ATP13A4: variants seen among roughly 807,000 people sequenced by gnomAD.
The protein encoded by ATP13A4 is probable cation-transporting ATPase 13A4.
ATP13A4 carries 114 observed loss-of-function variants against 142.5 expected under a neutral mutation model. The ratio of observed to expected loss-of-function variants is 0.80; its 90% CI spans 0.69 to 0.93. ATP13A4 has a LOEUF of 0.93. Ranked by LOEUF, ATP13A4 falls within the 40% of genes least tolerant of loss-of-function variation. The probability of loss-of-function intolerance (pLI) is 0.00; values close to 1 mark genes in which losing one functional copy is unlikely to be tolerated. For missense variants in ATP13A4, 1,392 were observed against 1,454.0 expected, an observed-to-expected ratio of 0.96 and a Z score of 0.69; for synonymous variants, 488 against 514.8, an observed-to-expected ratio of 0.95 and a Z score of 0.70.
chr3:193,444,922 C>A lies in ATP13A4; in HGVS notation c.2153-2366G>T, dbSNP rs140306239. Among the ~76,000 whole-genome samples, 830 of 152,310 alleles carry A rather than the reference C, an allele frequency of 5.4e-3. 11 individuals are homozygous for A. The highest frequency in any genetic ancestry group is 0.019 in the African/African-American group (791 of 41,560). Reference sequence around the variant, plus strand: ...GGCTTCCTCCATGCTCCACAGCAGGCCCCTGACAGCCTGTCTGCTTTTTGC... The same window carrying A: ...GGCTTCCTCCATGCTCCACAGCAGGACCCTGACAGCCTGTCTGCTTTTTGC... On this transcript the variant is annotated intron_variant, in intron 18 of 29. Coordinates refer to ENST00000342695, the MANE Select transcript of ATP13A4 (RefSeq NM_032279.4).
intron 1 of ATP13A4, among the ~76,000 whole-genome samples, chr3:193,592,340 G>A (rs1053722395): frequency 6.6e-6 from 1 of 151,976 alleles, no homozygotes; most frequent in African/African-American, 2.4e-5. Context: ...GAGGAGAGGA[G>A]CTCAAGATGG....
intron 1 of ATP13A4, among the ~76,000 whole-genome samples, chr3:193,547,903 C>T (rs553008874): frequency 1.3e-5 from 2 of 152,322 alleles, no homozygotes; most frequent in African/African-American, 2.4e-5. Context: ...AGCACGGCCA[C>T]TCGATTGTGA....
chr3:193,508,067 A>G (rs1394332302), intron 2 of ATP13A4, among the ~76,000 whole-genome samples: 1 of 152,150 alleles, frequency 6.6e-6, no homozygotes, highest in Non-Finnish European at 1.5e-5. Flanking sequence ...AGATGAAGAG[A>G]CACCAGGTGT....
At chr3:193,461,591 AT>A (rs1262827488) in intron 13 of ATP13A4, among the ~76,000 whole-genome samples, 1 of 152,242 alleles carries the variant, frequency 6.6e-6, no homozygotes, top group African/African-American at 2.4e-5. Context: ...TCTAGATAGC[AT>A]TTTAATATGA....
intron 2 of ATP13A4, among the ~76,000 whole-genome samples, chr3:193,511,499 G>A (rs143897444): frequency 6.6e-6 from 1 of 152,206 alleles, no homozygotes; most frequent in South Asian, 2.1e-4. Flanking sequence ...ACGTCATCCA[G>A]ATAAGCAAGA....
chr3:193,561,951 G>C (rs546797988), intron 2 of ATP13A4, among the ~76,000 whole-genome samples: 1 of 152,116 alleles, frequency 6.6e-6, no homozygotes, highest in Non-Finnish European at 1.5e-5. Context: ...TTCTCCCTCC[G>C]CGGGAAATGG....
At chr3:193,555,967 A>G (rs1723870919), upstream of ATP13A4, among the ~76,000 whole-genome samples, 1 of 152,226 alleles carries the variant, frequency 6.6e-6, no homozygotes, top group Non-Finnish European at 1.5e-5. Context: ...AGTACATTGT[A>G]CAGCACTGAT....
At chr3:193,421,082 A>G (rs948489487) in intron 25 of ATP13A4, among the ~76,000 whole-genome samples, 1 of 149,928 alleles carries the variant, frequency 6.7e-6, no homozygotes, top group Non-Finnish European at 1.5e-5. Context: ...TCCCCAAAAG[A>G]ATTCAACCCA....
intron 1 of ATP13A4, among the ~76,000 whole-genome samples, chr3:193,545,664 G>T (rs1026796167): frequency 2.6e-5 from 4 of 152,060 alleles, no homozygotes; most frequent in Admixed American, 2.0e-4. Context: ...GGATCCATCG[G>T]CAAATGACTA....
At chr3:193,484,384 C>A (rs1308850322) in intron 7 of ATP13A4, among the ~76,000 whole-genome samples, 1 of 151,878 alleles carries the variant, frequency 6.6e-6, no homozygotes, top group Non-Finnish European at 1.5e-5. Context: ...GCTACTTCCT[C>A]ATAATATTTG....
chr3:193,503,425 T>G (rs961345219), intron 2 of ATP13A4, among the ~76,000 whole-genome samples: 2 of 152,236 alleles, frequency 1.3e-5, no homozygotes, highest in African/African-American at 4.8e-5. Flanking sequence ...TAGAGACCTA[T>G]TTGACAGTGG....
chr3:193,504,649 TA>T (rs903558029), intron 2 of ATP13A4, among the ~76,000 whole-genome samples: 1 of 152,146 alleles, frequency 6.6e-6, no homozygotes, highest in African/African-American at 2.4e-5. Context: ...TACATTTTGC[TA>T]AAAAATATAA....
intron 18 of ATP13A4, among the ~76,000 whole-genome samples, chr3:193,445,302 G>A (rs1415305194): frequency 6.6e-6 from 1 of 151,974 alleles, no homozygotes. Context: ...CAGGCGTTGT[G>A]TTGCGTGCCT....
intron 6 of ATP13A4, among the ~76,000 whole-genome samples, chr3:193,490,750 A>G (rs1267341719): frequency 1.3e-5 from 2 of 152,088 alleles, no homozygotes; most frequent in Non-Finnish European, 2.9e-5. Flanking sequence ...AAGTACCTGA[A>G]GTTTAGTAAG....
intron 1 of ATP13A4, among the ~76,000 whole-genome samples, chr3:193,582,523 G>A (rs1724571155): frequency 1.5e-5 from 2 of 132,132 alleles, no homozygotes; most frequent in East Asian, 2.1e-4. Context: ...AATAATATAT[G>A]TACATTATAT....
At chr3:193,440,778 T>C (rs1051562798) in intron 20 of ATP13A4, 141 bp from the exon 21 acceptor site, 3 of 876,824 alleles carry the variant, frequency 3.4e-6, no homozygotes, top group Non-Finnish European at 3.6e-6. Flanking sequence ...TTCCTTTGGA[T>C]TTTAAGACAA....
intron 1 of ATP13A4, 131 bp downstream of exon 1, chr3:193,554,609 A>G: frequency 8.5e-7 from 1 of 1,181,802 alleles, no homozygotes; most frequent in Non-Finnish European, 1.3e-6. Flanking sequence ...CTCGTGTAAT[A>G]CCAGAGTGAA....
At chr3:193,472,751 T>G (rs192337669) in intron 8 of ATP13A4, among the ~76,000 whole-genome samples, 1 of 152,152 alleles carries the variant, frequency 6.6e-6, no homozygotes, top group Non-Finnish European at 1.5e-5. Context: ...GTACTACCCA[T>G]GGTTTCAGGC....
intron 1 of ATP13A4, among the ~76,000 whole-genome samples, chr3:193,516,179 T>C (rs888487792): frequency 1.3e-5 from 2 of 152,192 alleles, no homozygotes; most frequent in African/African-American, 2.4e-5. Context: ...AGTTGGAACA[T>C]AAAACTTTAA....
Sources: allele counts gnomAD v4.1 joint callset (sites outside exome capture counted in the v4.1 genomes callset), GRCh38; gene constraint gnomAD v4.1.1; transcripts MANE v1.5; gene names NCBI Gene and HGNC (gene_info 2026-07-23, HGNC 2026-07-21).